Variants in PTPRN2 observed in about 807,000 individuals in gnomAD.
PTPRN2 encodes the protein protein tyrosine phosphatase receptor type N2.
In PTPRN2, 74 loss-of-function variants were observed where a neutral mutation model predicts 118.8. The observed-to-expected ratio is 0.62, with a 90% CI of 0.52 to 0.76. The LOEUF (loss-of-function observed/expected upper bound fraction) is 0.76, where lower values mean the gene tolerates loss of function less well. PTPRN2 is among the 30% of genes least tolerant of loss of function. PTPRN2 has a pLI of 0.00. For missense variants in PTPRN2, 1,481 were observed against 1,394.4 expected (o/e 1.06, Z -0.99); for synonymous variants, 641 against 608.0 (o/e 1.05, Z -0.80).
At position 158,171,348 on chromosome 7, in the gene PTPRN2, T is replaced by TACATAC. The variant is rs1823687208; in HGVS notation, c.550-4058_550-4057insGTATGT. Among the ~76,000 whole-genome samples, 25 of 89,976 alleles carry TACATAC rather than the reference T, an allele frequency of 2.8e-4. 3 individuals carry two copies. In the East Asian group the frequency reaches 6.2e-3, roughly 22 times the overall value. 59.0% of individuals were successfully genotyped at this position (89,976 alleles called of 152,430 possible). On this transcript the variant is annotated intron_variant, in intron 5 of 22. Transcript: ENST00000389418. Reference sequence around the variant, plus strand: ...ATATATATATATATATATATATATATACACACACACATTTTTTTAAGACAT... The same window carrying TACATAC: ...ATATATATATATATATATATATATATACATACACACACACACATTTTTTTAAGACAT...
chr7:158,142,762 C>T (rs1212103926), intron 6 of PTPRN2, among the ~76,000 whole-genome samples: 2 of 152,202 alleles, frequency 1.3e-5, no homozygotes, highest in East Asian at 1.9e-4. Flanking sequence ...TGCCTAAAAC[C>T]GCAGCAAAGC....
At chr7:158,334,102 C>T (rs1378222279) in intron 2 of PTPRN2, among the ~76,000 whole-genome samples, 1 of 79,592 alleles carries the variant, frequency 1.3e-5, no homozygotes, top group Non-Finnish European at 2.7e-5. Flanking sequence ...AGAGGTGACA[C>T]CTGCAGACGT....
chr7:157,542,717 A>G (rs1798071936), intron 22 of PTPRN2, among the ~76,000 whole-genome samples: 1 of 152,172 alleles, frequency 6.6e-6, no homozygotes, highest in African/African-American at 2.4e-5. Flanking sequence ...TGCTCTACTC[A>G]CTGGCCATGT....
chr7:158,423,409 A>T, intron 2 of PTPRN2, among the ~76,000 whole-genome samples: 1 of 152,186 alleles, frequency 6.6e-6, no homozygotes, highest in East Asian at 1.9e-4. Context: ...AACCCTAGGG[A>T]CATGAAATGG....
chr7:158,514,013 A>G lies in PTPRN2; in HGVS notation c.113-24228T>C, dbSNP rs1586839531. On this transcript the variant is annotated intron_variant, in intron 1 of 22. Coordinates refer to ENST00000389418, the MANE Select transcript of PTPRN2 (RefSeq NM_002847.5). ...CTACAGGCTTTATCAACGCACGATG[A>G]CTGCACAGGTCTGTCTTAGCTCTAA... Among the ~76,000 whole-genome samples, 3 of 152,218 alleles carry G rather than the reference A, an allele frequency of 2.0e-5. No homozygotes were observed. The South Asian group carries it at 6.2e-4, about 32-fold the overall frequency.
At chr7:158,232,459 T>A (rs1020335537) in intron 3 of PTPRN2, among the ~76,000 whole-genome samples, 3 of 151,904 alleles carry the variant, frequency 2.0e-5, no homozygotes, top group Non-Finnish European at 2.9e-5. Flanking sequence ...AATAAAAAAA[T>A]TTACCATCAA....
intron 3 of PTPRN2, among the ~76,000 whole-genome samples, chr7:158,303,596 A>T (rs890027326): frequency 6.6e-6 from 1 of 152,244 alleles, no homozygotes; most frequent in African/African-American, 2.4e-5. Flanking sequence ...TTAAGACAGG[A>T]ATAAGAAGAA....
chr7:158,108,535 A>G (rs1390922188), intron 10 of PTPRN2, among the ~76,000 whole-genome samples: 1 of 152,062 alleles, frequency 6.6e-6, no homozygotes, highest in Non-Finnish European at 1.5e-5. Flanking sequence ...CTGTCCCTCC[A>G]CATCTTTCCT....
rs548362189 is a variant in PTPRN2 at position 157,981,740 on chromosome 7, GTTAA to G, written c.1724-83007_1724-83004del. Among the ~76,000 whole-genome samples, 644 of 152,346 alleles carry G rather than the reference GTTAA, an allele frequency of 4.2e-3. 2 individuals carry two copies. The highest frequency in any genetic ancestry group is 7.6e-3 in the Non-Finnish European group (520 of 68,034). On this transcript the variant is annotated intron_variant, in intron 11 of 22. Coordinates refer to ENST00000389418, the MANE Select transcript of PTPRN2 (RefSeq NM_002847.5). ...TAAAATGACCCTTGGGCGTTTCCAA[GTTAA>G]TTAATTAGCAATACTTCGGAAAGGC...
intron 3 of PTPRN2, among the ~76,000 whole-genome samples, chr7:158,305,274 C>A (rs201185134): frequency 9.9e-5 from 15 of 152,166 alleles, no homozygotes; most frequent in African/African-American, 3.1e-4. Flanking sequence ...AGAGTGGCTT[C>A]TTTCCTTCAG....
rs116200819 is a variant in PTPRN2, at chr7:158,154,002, A to C, written c.910+12929T>G. ...GTGGCCCCACAGCCATGCTGTAGGA[A>C]CCATGGGAGGGTTCGTTCAAGGTGT... is the stretch of plus-strand genomic sequence containing the variant. On this transcript the variant is annotated intron_variant, in intron 6 of 22. Coordinates refer to ENST00000389418, the MANE Select transcript of PTPRN2 (RefSeq NM_002847.5). 7.8e-3 allele frequency among the ~76,000 whole-genome samples: 1,191 copies of C among 152,264 alleles called. 20 individuals carry two copies. The highest frequency in any genetic ancestry group is 0.027 in the African/African-American group (1,111 of 41,560).
chr7:158,354,839 A>G (rs1002398077), intron 2 of PTPRN2, among the ~76,000 whole-genome samples: 1 of 152,218 alleles, frequency 6.6e-6, no homozygotes, highest in African/African-American at 2.4e-5. Flanking sequence ...AGAGAACACC[A>G]GATTCAACCC....
At chr7:158,241,242 G>C (rs548564078) in intron 3 of PTPRN2, among the ~76,000 whole-genome samples, 1 of 152,130 alleles carries the variant, frequency 6.6e-6, no homozygotes, top group Non-Finnish European at 1.5e-5. Flanking sequence ...TCGGCCGGGC[G>C]TGGTGGCTTA....
Position 157,962,331 on chromosome 7 carries a change from ACCAGCGGGAGCGTTATTCCC to A in PTPRN2, c.1724-63614_1724-63595del, listed in dbSNP as rs530270058. Among the ~76,000 whole-genome samples, 76 of 147,888 alleles carry A rather than the reference ACCAGCGGGAGCGTTATTCCC, an allele frequency of 5.1e-4. No individual in the cohort carries two copies. In the South Asian group the frequency reaches 0.01, roughly 20 times the overall value. On this transcript the variant is annotated intron_variant, in intron 11 of 22. Coordinates refer to ENST00000389418, the MANE Select transcript of PTPRN2 (RefSeq NM_002847.5). ...CACACTTCAGCAGGAGTGTTATTCC[ACCAGCGGGAGCGTTATTCCC>A]CCAGCGGGAGCGTTATTCCCCTTCC...
intron 13 of PTPRN2, among the ~76,000 whole-genome samples, chr7:157,680,294 A>G (rs1283604747): frequency 6.6e-6 from 1 of 152,234 alleles, no homozygotes; most frequent in Non-Finnish European, 1.5e-5. Flanking sequence ...AGCAAAGTAC[A>G]CAGGTTCAGT....
At chr7:157,933,401 A>G (rs1799505254) in intron 11 of PTPRN2, among the ~76,000 whole-genome samples, 1 of 146,646 alleles carries the variant, frequency 6.8e-6, no homozygotes, top group Admixed American at 6.8e-5. Context: ...ACTCTGACTG[A>G]CAGTTTTAGA....
chr7:158,332,296 ACGTCACTCACACCCACACTCTCAC>A (rs1804634790), intron 2 of PTPRN2, among the ~76,000 whole-genome samples: 2 of 147,544 alleles, frequency 1.4e-5, no homozygotes, highest in South Asian at 2.1e-4. Flanking sequence ...ACATCTGCAG[ACGTCACTCACACCCACACTCTCAC>A]CATAAGAGCT....
intron 5 of PTPRN2, among the ~76,000 whole-genome samples, chr7:158,172,363 T>C (rs1823776263): frequency 6.6e-6 from 1 of 152,178 alleles, no homozygotes; most frequent in African/African-American, 2.4e-5. Context: ...AGGAACTTGA[T>C]AAATGGCAGT....
Position 157,726,297 on chromosome 7 carries a change from C to A in PTPRN2, c.1789-43360G>T, listed in dbSNP as rs370027749. Reference sequence around the variant, plus strand: ...CCACATGCAGAGGAATGAGCCAGACCCTCGCCTCCCAGGAGAACTGGATAT... The same window carrying A: ...CCACATGCAGAGGAATGAGCCAGACACTCGCCTCCCAGGAGAACTGGATAT... On this transcript the variant is annotated intron_variant, in intron 12 of 22. Transcript: ENST00000389418. Among the ~76,000 whole-genome samples the A allele has an allele frequency of 2.5e-4, 32 of 127,898 alleles. 1 individual carries two copies. The highest frequency in any genetic ancestry group is 8.5e-4 in the African/African-American group (29 of 33,928). The allele number at this position is 127,898 out of a possible 152,430, so 83.9% of individuals were successfully genotyped here.
Sources: allele counts gnomAD v4.1 joint callset (sites outside exome capture counted in the v4.1 genomes callset), GRCh38; gene constraint gnomAD v4.1.1; transcripts MANE v1.5; gene names NCBI Gene and HGNC (gene_info 2026-07-23, HGNC 2026-07-21).